ZNF675: variants seen among roughly 807,000 people sequenced by gnomAD.
The protein encoded by ZNF675 is TRAF6 inhibitory zinc finger.
In ZNF675, 36 loss-of-function variants were observed where a neutral mutation model predicts 56.1. That is an observed-to-expected ratio of 0.64 (90% CI 0.49 to 0.85). The LOEUF (loss-of-function observed/expected upper bound fraction) is 0.85, where lower values mean the gene tolerates loss of function less well. ZNF675 is among the 40% of genes least tolerant of loss of function. ZNF675 has a pLI of 0.00. For missense variants in ZNF675, 663 were observed against 654.2 expected (o/e 1.01, Z -0.15); for synonymous variants, 200 against 218.9 (o/e 0.91, Z 0.76).
chr19:23,653,334 C>A lies in ZNF675; in HGVS notation c.1599G>T (p.Glu533Asp). The A allele has an allele frequency of 1.2e-6, 2 of 1,613,744 alleles. No homozygotes were observed. The highest frequency in any genetic ancestry group is 2.2e-5 in the South Asian group (2 of 91,084). The change falls in exon 4 of 4, where the codon GAG becomes GAT. Residue 533 changes from glutamate (E) to aspartate (D), a missense_variant. Coordinates refer to ENST00000359788, the MANE Select transcript of ZNF675 (RefSeq NM_138330.3). ...LTEHKIIHTG[E>D]KPYKCERCDK... is the part of the protein sequence containing the mutation. ...CACATCTCTCACATTTATAGGGTTT[C>A]TCTCCAGTATGAATTATCTTATGTT...
Position 23,654,040 on chromosome 19 carries a change from T to G in ZNF675, c.893A>C (p.Asn298Thr). Residue 298 changes from asparagine (N) to threonine (T), a missense_variant, in exon 4 of 4, where the codon AAT (asparagine) becomes ACT (threonine). Physicochemically the swap from Asn to Thr is moderately conservative, Grantham distance 65 (BLOSUM62 0). This residue lies in a region of ZNF675 where 617 missense variants were observed against 590.5 expected (regional missense o/e 1.04). Transcript: ENST00000359788. ...ECGKAFNQFS[N>T]LTTHKKIHTG... ...ATGAATTTTTTTATGTGTAGTAAGA[T>G]TTGAGAACTGGTTAAAGGCTTTGCC... The G allele has an allele frequency of 6.2e-7, 1 of 1,613,688 alleles. No homozygotes were observed. Among genetic ancestry groups the G allele is most frequent in the South Asian group, 1.1e-5 (1 of 91,078 alleles).
intron 1 of ZNF675, among the ~76,000 whole-genome samples, chr19:23,673,100 T>C (rs1252552998): frequency 6.6e-6 from 1 of 152,222 alleles, no homozygotes; most frequent in Non-Finnish European, 1.5e-5. Flanking sequence ...CATTTTAATG[T>C]CTCTTCAAGT....
chr19:23,670,147 G>A (rs1968210051), intron 1 of ZNF675, among the ~76,000 whole-genome samples: 2 of 152,046 alleles, frequency 1.3e-5, no homozygotes, highest in African/African-American at 4.8e-5. Flanking sequence ...CCACTGTGGG[G>A]AACTCTATTT....
rs187138768 is a variant in ZNF675 at position 23,671,740 on chromosome 19, G to A, written c.4-8582C>T. Among the ~76,000 whole-genome samples the A allele has an allele frequency of 1.8e-3, 266 of 151,626 alleles. 2 individuals are homozygous for A. The highest frequency in any genetic ancestry group is 2.9e-3 in the South Asian group (14 of 4,780). On this transcript the variant is annotated intron_variant, in intron 1 of 3. Transcript: ENST00000359788. ...GCTATAGTCTAGACTAAAAGTTCCC[G>A]GATGACAGGGACCATGACTGCTTTA...
intron 1 of ZNF675, among the ~76,000 whole-genome samples, chr19:23,683,250 A>G (rs1968400274): frequency 6.6e-6 from 1 of 151,656 alleles, no homozygotes; most frequent in Admixed American, 6.6e-5. Flanking sequence ...TCTAGGAGGT[A>G]CCAAATTTCA....
At chr19:23,678,983 G>A (rs1267598730) in intron 1 of ZNF675, among the ~76,000 whole-genome samples, 4 of 151,210 alleles carry the variant, frequency 2.6e-5, no homozygotes, top group South Asian at 2.1e-4. Flanking sequence ...TGGCTAACAC[G>A]GTGAAACCCC....
At chr19:23,667,049 C>A (rs1032744527) in intron 1 of ZNF675, among the ~76,000 whole-genome samples, 1 of 152,028 alleles carries the variant, frequency 6.6e-6, no homozygotes, top group Middle Eastern at 3.4e-3. Flanking sequence ...CTTAAGGTGG[C>A]GCGTCTGGAG....
intron 3 of ZNF675, among the ~76,000 whole-genome samples, chr19:23,660,558 A>G (rs1968062286): frequency 6.6e-6 from 1 of 152,214 alleles, no homozygotes; most frequent in Non-Finnish European, 1.5e-5. Context: ...GGTTCCATAA[A>G]CTTAAACTCT....
At chr19:23,680,055 T>C (rs1968356568) in intron 1 of ZNF675, among the ~76,000 whole-genome samples, 1 of 150,538 alleles carries the variant, frequency 6.6e-6, no homozygotes, top group Admixed American at 6.6e-5. Context: ...ACGCCTGTAA[T>C]CCCAGCACTT....
chr19:23,669,639 T>C (rs1968203453), intron 1 of ZNF675, among the ~76,000 whole-genome samples: 1 of 152,086 alleles, frequency 6.6e-6, no homozygotes, highest in South Asian at 2.1e-4. Context: ...TTTGAGATGC[T>C]GAGGCGGACA....
chr19:23,667,710 C>G (rs6511478), intron 1 of ZNF675, among the ~76,000 whole-genome samples: 147,110 of 151,210 alleles, frequency 0.97, 71,677 homozygotes, highest in Middle Eastern at 1. Context: ...GCTAAACACA[C>G]GGTGCTGATT....
rs752342414 is a variant in ZNF675, at chr19:23,653,603, T to C, written c.1330A>G (p.Lys444Glu). ...TAGGGTTTCTTTCCAGTATGAAGTT[T>C]CTTATGTTCAGTAAGTTTTGAGGAT... ...NRSSKLTEHK[K>E]LHTGKKPYKC... The change falls in exon 4 of 4, where the codon AAA (lysine) becomes GAA (glutamate). Residue 444 changes from lysine to glutamate, a missense_variant. Physicochemically the swap from Lys to Glu is moderately conservative, Grantham distance 56. Around this residue, in one of 3 missense-constraint regions of ZNF675, gnomAD observed 617 missense variants for 590.5 expected, o/e 1.04. Coordinates refer to ENST00000359788, the MANE Select transcript of ZNF675 (RefSeq NM_138330.3). 3 of 1,612,810 alleles carry C rather than the reference T, an allele frequency of 1.9e-6. No homozygotes were observed. The East Asian group carries it at 6.7e-5, about 36-fold the overall frequency.
At chr19:23,670,385 C>T (rs1388761816) in intron 1 of ZNF675, among the ~76,000 whole-genome samples, 3 of 152,136 alleles carry the variant, frequency 2.0e-5, no homozygotes, top group African/African-American at 4.8e-5. Context: ...CTCCTATGTA[C>T]AGCCCTTCAT....
intron 1 of ZNF675, among the ~76,000 whole-genome samples, chr19:23,682,434 T>G (rs1968389137): frequency 6.6e-6 from 1 of 151,812 alleles, no homozygotes; most frequent in Non-Finnish European, 1.5e-5. Flanking sequence ...TAACTTTAAT[T>G]TTACAAAATT....
chr19:23,680,427 A>G (rs1452946486), intron 1 of ZNF675, among the ~76,000 whole-genome samples: 3 of 151,772 alleles, frequency 2.0e-5, no homozygotes, highest in Admixed American at 2.0e-4. Flanking sequence ...TTAGAAAACT[A>G]ATGCAGAAAC....
chr19:23,659,835 G>C (rs1443471514), intron 3 of ZNF675, among the ~76,000 whole-genome samples: 1 of 151,484 alleles, frequency 6.6e-6, no homozygotes, highest in African/African-American at 2.4e-5. Flanking sequence ...CATGTGGACT[G>C]GCCTAAGGTA....
At chr19:23,666,792 T>TTC (rs1478171533) in intron 1 of ZNF675, among the ~76,000 whole-genome samples, 2 of 131,226 alleles carry the variant, frequency 1.5e-5, no homozygotes, top group African/African-American at 5.7e-5. Context: ...TTCTCTCTCT[T>TTC]TCTCTCTCTC....
At chr19:23,679,575 G>C (rs1968348071) in intron 1 of ZNF675, among the ~76,000 whole-genome samples, 1 of 150,984 alleles carries the variant, frequency 6.6e-6, no homozygotes, top group Non-Finnish European at 1.5e-5. Context: ...ACAGAGTAAA[G>C]ACAACCTACA....
chr19:23,684,582 TGC>T (rs1480343913), intron 1 of ZNF675, among the ~76,000 whole-genome samples: 1 of 151,882 alleles, frequency 6.6e-6, no homozygotes, highest in Non-Finnish European at 1.5e-5. Flanking sequence ...AGGCGGAGGT[TGC>T]CATGAGCCGA....
Sources: gnomAD v4.1 joint callset for allele counts (sites outside exome capture counted in the v4.1 genomes callset) on GRCh38, gnomAD v4.1.1 for gene constraint, gnomAD v4.1.1 regional missense constraint, MANE v1.5 for transcripts, NCBI Gene and HGNC (gene_info 2026-07-23, HGNC 2026-07-21) for gene names.